PALLD: variants seen among roughly 807,000 people sequenced by gnomAD.
The protein encoded by PALLD is palladin, cytoskeletal associated protein, also known as palladin.
A neutral mutation model predicts 123.5 loss-of-function variants in PALLD; 61 were observed. The ratio of observed to expected loss-of-function variants is 0.49; its 90% CI spans 0.40 to 0.61. PALLD has a LOEUF of 0.61. Among genes scored for constraint, PALLD ranks in the 20% least tolerant of loss-of-function variants. PALLD has a pLI of 0.00. For missense variants in PALLD, 1,273 were observed against 1,377.0 expected, an observed-to-expected ratio of 0.92 and a Z score of 1.20; for synonymous variants, 465 against 496.4, an observed-to-expected ratio of 0.94 and a Z score of 0.84.
intron 2 of PALLD, among the ~76,000 whole-genome samples, chr4:168,642,556 C>T (rs759229065): frequency 6.6e-6 from 1 of 152,158 alleles, no homozygotes; most frequent in Non-Finnish European, 1.5e-5. Flanking sequence ...CGCCCGCCAC[C>T]ACGCCCAGCT....
intron 10 of PALLD, among the ~76,000 whole-genome samples, chr4:168,737,771 G>A (rs1036479823): frequency 2.0e-5 from 3 of 152,224 alleles, no homozygotes; most frequent in Non-Finnish European, 4.4e-5. Context: ...AAGTAAGAAA[G>A]AGAAGAAATA....
At chr4:168,831,033 T>G (rs932894377) in intron 10 of PALLD, among the ~76,000 whole-genome samples, 2 of 152,200 alleles carry the variant, frequency 1.3e-5, no homozygotes, top group Non-Finnish European at 2.9e-5. Context: ...TTATTGTGTG[T>G]GAAAGATTTG....
intron 10 of PALLD, among the ~76,000 whole-genome samples, chr4:168,777,668 T>C (rs1016172894): frequency 6.6e-6 from 1 of 152,162 alleles, no homozygotes; most frequent in Admixed American, 6.6e-5. Context: ...GTTTGTTTTG[T>C]TTTGTTTTTC....
chr4:168,571,048 T>A (rs914795927), intron 2 of PALLD, among the ~76,000 whole-genome samples: 1 of 152,154 alleles, frequency 6.6e-6, no homozygotes, highest in Non-Finnish European at 1.5e-5. Context: ...GCTCTCTTCT[T>A]TGAAAATAAT....
In PALLD at chr4:168,637,229, A is replaced by G. The variant is rs140614034; in HGVS notation, c.909-30961A>G. ...TCGGAGGGGTTGGTGGCAGAATGGG[A>G]GTGAAAGGGGCTTCTCCCTGAAGAC... On this transcript the variant is annotated intron_variant, in intron 2 of 21. Coordinates refer to ENST00000505667, the MANE Select transcript of PALLD (RefSeq NM_001166108.2). 8.7e-3 allele frequency among the ~76,000 whole-genome samples: 1,325 copies of G among 152,064 alleles called. 11 individuals are homozygous for G. Among genetic ancestry groups the G allele is most frequent in the Middle Eastern group, 0.017 (5 of 294 alleles).
chr4:168,779,094 C>T (rs1247328679), intron 10 of PALLD, among the ~76,000 whole-genome samples: 1 of 152,180 alleles, frequency 6.6e-6, no homozygotes, highest in Admixed American at 6.5e-5. Context: ...TTTCATTGAT[C>T]TAAGACAGTT....
At chr4:168,839,290 T>G (rs1745666684) in intron 10 of PALLD, among the ~76,000 whole-genome samples, 1 of 152,148 alleles carries the variant, frequency 6.6e-6, no homozygotes, top group South Asian at 2.1e-4. Context: ...TAGTATTCTC[T>G]TGGGACCACC....
intron 3 of PALLD, among the ~76,000 whole-genome samples, chr4:168,679,585 AT>A (rs745949672): frequency 9.1e-5 from 13 of 142,670 alleles, no homozygotes; most frequent in Non-Finnish European, 1.5e-4. Context: ...TTCACTGCGT[AT>A]CCCCCTTACT....
intron 2 of PALLD, among the ~76,000 whole-genome samples, chr4:168,593,536 TC>T (rs1413734798): frequency 6.6e-6 from 1 of 152,070 alleles, no homozygotes; most frequent in Non-Finnish European, 1.5e-5. Flanking sequence ...CCTCAGGCTT[TC>T]CCACCCACCT....
At chr4:168,623,780 T>C (rs1477970575) in intron 2 of PALLD, among the ~76,000 whole-genome samples, 1 of 152,204 alleles carries the variant, frequency 6.6e-6, no homozygotes, top group Non-Finnish European at 1.5e-5. Flanking sequence ...TAATGCTAAA[T>C]AGTGAAACTC....
intron 10 of PALLD, among the ~76,000 whole-genome samples, chr4:168,859,319 T>C (rs181716931): frequency 8.2e-4 from 125 of 152,290 alleles, no homozygotes; most frequent in Non-Finnish European, 1.4e-3. Flanking sequence ...GCCTTGTAGT[T>C]GATCTGAACA....
At chr4:168,783,779 T>A (rs1254127352) in intron 10 of PALLD, among the ~76,000 whole-genome samples, 1 of 152,152 alleles carries the variant, frequency 6.6e-6, no homozygotes, top group Non-Finnish European at 1.5e-5. Flanking sequence ...TATGGTAAGA[T>A]GGAGTCAGGT....
At chr4:168,924,872 TA>T in intron 19 of PALLD, 72 bp from the exon 20 acceptor site, 2 of 1,471,576 alleles carry the variant, frequency 1.4e-6, no homozygotes, top group Non-Finnish European at 1.9e-6. Flanking sequence ...ATGATCTAAT[TA>T]AAAATGATGC....
In PALLD at chr4:168,681,540, A is replaced by ATTTTTTTT. The variant is rs34328020; in HGVS notation, c.1154+158_1154+165dup. ...GATCAAATACTGAGGTTGGAACACA[A>ATTTTTTTT]TTTTTTTTTTTTTTTTTTTTTTTGA... On this transcript the variant is annotated intron_variant, in intron 4 of 21. Coordinates refer to ENST00000505667, the MANE Select transcript of PALLD (RefSeq NM_001166108.2). 1.1e-3 allele frequency: 380 copies of ATTTTTTTT among 340,288 alleles called. 18 individuals carry two copies. Among genetic ancestry groups the ATTTTTTTT allele is most frequent in the African/African-American group, 0.011 (352 of 31,644 alleles). 21.1% of individuals were successfully genotyped at this position (340,288 alleles called of 1,614,324 possible). A position where few individuals can be genotyped will look rare whatever the true frequency, so the allele number is the denominator to read the frequency against.
intron 10 of PALLD, among the ~76,000 whole-genome samples, chr4:168,851,186 C>A (rs1747722433): frequency 6.6e-6 from 1 of 152,114 alleles, no homozygotes; most frequent in South Asian, 2.1e-4. Flanking sequence ...TGTGGACCCA[C>A]AGTCTGGCTT....
At chr4:168,511,352 G>A (rs1762513705) in intron 1 of PALLD, 71 bp from the exon 2 acceptor site, 3 of 628,112 alleles carry the variant, frequency 4.8e-6, no homozygotes, top group Non-Finnish European at 8.4e-6. Context: ...CCCAATTTGT[G>A]ACTTACAAGT....
intron 2 of PALLD, among the ~76,000 whole-genome samples, chr4:168,548,884 A>G (rs1294593969): frequency 2.0e-5 from 3 of 152,170 alleles, no homozygotes. Context: ...ACAGTGGCTC[A>G]TACTTGTAAT....
Position 168,620,041 on chromosome 4 carries a change from A to G in PALLD, c.909-48149A>G, listed in dbSNP as rs577847067. 7.2e-5 allele frequency among the ~76,000 whole-genome samples: 11 copies of G among 152,318 alleles called. 1 individual carries two copies. The highest frequency in any genetic ancestry group is 2.6e-4 in the African/African-American group (11 of 41,570). On this transcript the variant is annotated intron_variant, in intron 2 of 21. Coordinates refer to ENST00000505667, the MANE Select transcript of PALLD (RefSeq NM_001166108.2). ...GTGGGCAAACGCACAACCTGCTGAC[A>G]TGGAACAGAGCAAAATCAGCTGACT... is the stretch of plus-strand genomic sequence containing the variant.
intron 10 of PALLD, among the ~76,000 whole-genome samples, chr4:168,741,902 C>CTTTAT (rs1788385950): frequency 6.6e-6 from 1 of 152,114 alleles, no homozygotes; most frequent in Non-Finnish European, 1.5e-5. Flanking sequence ...TGACAGCTGA[C>CTTTAT]TTTATTTTTC....
Sources: allele counts gnomAD v4.1 joint callset (sites outside exome capture counted in the v4.1 genomes callset), GRCh38; gene constraint gnomAD v4.1.1; transcripts MANE v1.5; gene names NCBI Gene and HGNC (gene_info 2026-07-23, HGNC 2026-07-21).